The following GCSAML variants were observed in gnomAD, a reference collection of about 807,000 sequenced individuals.
GCSAML encodes the protein germinal center associated signaling and motility like.
Under a neutral mutation model 13.0 loss-of-function variants are expected in GCSAML, and 9 were observed. The ratio of observed to expected loss-of-function variants is 0.69; its 90% CI spans 0.42 to 1.21. The LOEUF (loss-of-function observed/expected upper bound fraction) is 1.21. Ranked by LOEUF, GCSAML falls within the 50% of genes most tolerant of loss-of-function variation. GCSAML has a pLI of 0.00. For synonymous variants in GCSAML, 37 were observed against 52.9 expected (o/e 0.70, Z 1.31); for missense variants, 143 against 153.4 (o/e 0.93, Z 0.36).
In GCSAML at chr1:247,575,671, T is replaced by A. The variant is rs2103087103; in HGVS notation, c.*1289T>A. 6.6e-6 allele frequency: 1 copy of A among 152,350 alleles called. No homozygotes were observed. Among genetic ancestry groups the A allele is most frequent in the Admixed American group, 6.5e-5 (1 of 15,308 alleles). The allele number at this position is 152,350 out of a possible 1,614,324, so 9.4% of individuals were successfully genotyped here. A position where few individuals can be genotyped will look rare whatever the true frequency, so the allele number is the denominator to read the frequency against. ...ATATATAATTGTCAATTTTTTCAAT[T>A]TTCTAGCCAACAGAGAATCGAAGGA... is the stretch of plus-strand genomic sequence containing the variant. On this transcript the variant is annotated 3_prime_UTR_variant, in exon 5 of 5. Transcript: ENST00000366488.
intron 2 of GCSAML, among the ~76,000 whole-genome samples, chr1:247,540,004 C>G (rs1332908586): frequency 1.3e-5 from 2 of 152,148 alleles, no homozygotes; most frequent in Non-Finnish European, 2.9e-5. Context: ...CCTCGCTCCT[C>G]AAAAACGCCA....
At chr1:247,550,937 ACTT>A (rs966197190) in intron 1 of GCSAML, among the ~76,000 whole-genome samples, 17 of 152,340 alleles carry the variant, frequency 1.1e-4, no homozygotes, top group African/African-American at 3.8e-4. Flanking sequence ...AGAACATCGT[ACTT>A]AATCACTCTG....
At chr1:247,543,534 T>C (rs77177487) in intron 2 of GCSAML, among the ~76,000 whole-genome samples, 2,557 of 152,196 alleles carry the variant, frequency 0.017, 70 homozygotes, top group African/African-American at 0.054. Context: ...TTATCCCCCA[T>C]GGATAAGGCG....
chr1:247,520,270 T>G (rs1337219222), intron 1 of GCSAML, among the ~76,000 whole-genome samples: 1 of 152,204 alleles, frequency 6.6e-6, no homozygotes, highest in Non-Finnish European at 1.5e-5. Context: ...TCAGATGACA[T>G]TAACATTTAG....
chr1:247,542,009 C>CA (rs1232207077), intron 2 of GCSAML, among the ~76,000 whole-genome samples: 31 of 101,646 alleles, frequency 3.0e-4, no homozygotes, highest in South Asian at 9.3e-4. Context: ...GACTCTGTCT[C>CA]AAAAAAAAAG....
At chr1:247,528,523 A>G (rs1666778549) in intron 2 of GCSAML, 1 of 152,254 alleles carries the variant, frequency 6.6e-6, no homozygotes, top group African/African-American at 2.4e-5. Flanking sequence ...AAAGAAGGAA[A>G]AAGCATGGGC....
At chr1:247,561,623 C>G (rs1668131125) in intron 2 of GCSAML, among the ~76,000 whole-genome samples, 1 of 151,990 alleles carries the variant, frequency 6.6e-6, no homozygotes, top group African/African-American at 2.4e-5. Context: ...TTAGGCCAGT[C>G]CATTTTCCTT....
At chr1:247,532,315 T>C (rs751865705) in intron 2 of GCSAML, 6 of 1,613,856 alleles carry the variant, frequency 3.7e-6, no homozygotes, top group Non-Finnish European at 5.1e-6. Flanking sequence ...GAAGGGGAGG[T>C]TGGCAAGAAA....
chr1:247,542,016 AAAG>A (rs1371819376), intron 2 of GCSAML, among the ~76,000 whole-genome samples: 1 of 147,918 alleles, frequency 6.8e-6, no homozygotes, highest in Non-Finnish European at 1.5e-5. Flanking sequence ...TCTCAAAAAA[AAAG>A]AAAAAAAAAA....
chr1:247,532,198 G>T (rs760084574), intron 2 of GCSAML: 29 of 1,614,082 alleles, frequency 1.8e-5, no homozygotes, highest in Non-Finnish European at 2.4e-5. Context: ...CAGCCAATGG[G>T]AGATATAGAA....
intron 2 of GCSAML, chr1:247,528,382 G>A (rs1326309194): frequency 6.6e-6 from 1 of 152,116 alleles, no homozygotes; most frequent in Non-Finnish European, 1.5e-5. Context: ...TTTCTTTGTG[G>A]TGAGAGCGTT....
At chr1:247,573,595 G>A (rs375873894) in intron 4 of GCSAML, among the ~76,000 whole-genome samples, 6 of 152,120 alleles carry the variant, frequency 3.9e-5, no homozygotes, top group East Asian at 1.9e-4. Flanking sequence ...CTTCTCTATT[G>A]GTCTTGCTGG....
rs1055140980 is a variant in GCSAML, at chr1:247,532,193, A to C, written c.-148+5139A>C. 2.5e-6 allele frequency: 4 copies of C among 1,614,076 alleles called. No individual in the cohort carries two copies. In the African/African-American group the frequency reaches 5.3e-5, roughly 22 times the overall value. On this transcript the variant is annotated intron_variant, in intron 2 of 5. Coordinates refer to the GCSAML transcript ENST00000366489. The stretch of plus-strand genomic sequence containing the variant: ...AGGACACACTCGGTTGCCCCCAGCC[A>C]ATGGGAGATATAGAACTGGACCACA...
At chr1:247,539,615 G>A (rs1375893150) in intron 2 of GCSAML, among the ~76,000 whole-genome samples, 1 of 152,116 alleles carries the variant, frequency 6.6e-6, no homozygotes. Context: ...AGCGACTAAA[G>A]CCAGTGAGGC....
At chr1:247,529,351 A>G (rs192819078) in intron 2 of GCSAML, 3 of 152,338 alleles carry the variant, frequency 2.0e-5, no homozygotes, top group East Asian at 3.9e-4. Context: ...TTCATACTTC[A>G]TACCTCAATA....
At chr1:247,548,607 A>G (rs1024032238), upstream of GCSAML, among the ~76,000 whole-genome samples, 1 of 152,144 alleles carries the variant, frequency 6.6e-6, no homozygotes. The surrounding 1 kb of genome is among the most constrained non-coding windows in gnomAD (Gnocchi z 5.3). Context: ...TTTTATTTCT[A>G]ACGTTGTTTT....
intron 1 of GCSAML, among the ~76,000 whole-genome samples, chr1:247,510,693 C>G (rs1054108858): frequency 6.6e-6 from 1 of 151,794 alleles, no homozygotes; most frequent in Non-Finnish European, 1.5e-5. Context: ...GATTCTGGTA[C>G]GTTGTCTTTG....
chr1:247,574,459 T>A lies in GCSAML; in HGVS notation c.*77T>A. 6.7e-7 allele frequency: 1 copy of A among 1,493,228 alleles called. No individual in the cohort carries two copies. The allele number at this position is 1,493,228 out of a possible 1,614,324, so 92.5% of individuals were successfully genotyped here. On this transcript the variant is annotated 3_prime_UTR_variant, in exon 5 of 5. Coordinates refer to ENST00000366488, the MANE Select transcript of GCSAML (RefSeq NM_145278.5). ...CAGACTCTGGCGAAGTTGTTCACCCTGAGCAGTGCATGAAACATTCCTTTC... is the reference window on the plus strand; with the variant it reads ...CAGACTCTGGCGAAGTTGTTCACCCAGAGCAGTGCATGAAACATTCCTTTC...
chr1:247,565,337 G>A (rs1042814286), intron 3 of GCSAML, among the ~76,000 whole-genome samples: 2 of 150,916 alleles, frequency 1.3e-5, no homozygotes, highest in South Asian at 4.2e-4. Flanking sequence ...CAGTCTGGGC[G>A]ACAGAGCGAG....
Sources: gnomAD v4.1 joint callset for allele counts (sites outside exome capture counted in the v4.1 genomes callset) on GRCh38, gnomAD v4.1.1 for gene constraint, Gnocchi (gnomAD v3.1) non-coding constraint, MANE v1.5 for transcripts, NCBI Gene and HGNC (gene_info 2026-07-23, HGNC 2026-07-21) for gene names.